CAP2: variants seen among roughly 807,000 people sequenced by gnomAD.
CAP2 encodes the protein cyclase associated actin cytoskeleton regulatory protein 2.
Under a neutral mutation model 57.7 loss-of-function variants are expected in CAP2, and 24 were observed. The ratio of observed to expected loss-of-function variants is 0.42; its 90% CI spans 0.30 to 0.58. The LOEUF is 0.58. Ranked by LOEUF, CAP2 falls within the 20% of genes least tolerant of loss-of-function variation. CAP2 has a pLI of 0.22. For missense variants in CAP2, 501 were observed against 590.3 expected (o/e 0.85, Z 1.57); for synonymous variants, 194 against 207.2 (o/e 0.94, Z 0.55).
At chr6:17,478,587 T>C in intron 4 of CAP2, among the ~76,000 whole-genome samples, 2 of 152,180 alleles carry the variant, frequency 1.3e-5, no homozygotes, top group East Asian at 3.8e-4. Context: ...TGGATCCTTC[T>C]GTTTAGTCTA....
rs536207385 is a variant in CAP2, at chr6:17,543,044, G to GT, written c.1127-11dup. The GT allele has an allele frequency of 2.6e-4, 418 of 1,613,328 alleles. 1 individual carries two copies. The highest frequency in any genetic ancestry group is 3.4e-4 in the Non-Finnish European group (396 of 1,179,378). ...TTTAGTGGAGTTGGTTTTTTGTTGT[G>GT]TTTTTTCTCCCCACAGACAACTGTA... On this transcript the variant is annotated splice_polypyrimidine_tract_variant and intron_variant, in intron 10 of 12. Coordinates refer to ENST00000229922, the MANE Select transcript of CAP2 (RefSeq NM_006366.3).
intron 3 of CAP2, among the ~76,000 whole-genome samples, chr6:17,429,457 A>G (rs929985715): frequency 6.6e-6 from 1 of 152,168 alleles, no homozygotes; most frequent in Non-Finnish European, 1.5e-5. Flanking sequence ...TTAACTTTGC[A>G]TTTTTTAAAA....
intron 1 of CAP2, among the ~76,000 whole-genome samples, chr6:17,419,186 T>C (rs994885468): frequency 4.6e-5 from 7 of 152,216 alleles, no homozygotes; most frequent in African/African-American, 1.7e-4. Flanking sequence ...CATCACTGTG[T>C]TTAAGCTCAA....
chr6:17,529,954 G>A (rs1436618724), intron 7 of CAP2, among the ~76,000 whole-genome samples: 2 of 151,054 alleles, frequency 1.3e-5, no homozygotes, highest in Non-Finnish European at 2.9e-5. Context: ...AGGAGTTCGA[G>A]ACCAGCTTGG....
chr6:17,520,413 C>T (rs999813114), intron 7 of CAP2, among the ~76,000 whole-genome samples: 1 of 152,088 alleles, frequency 6.6e-6, no homozygotes, highest in Non-Finnish European at 1.5e-5. Flanking sequence ...AAGCTGCACC[C>T]AGCCAATGTA....
At chr6:17,455,539 CTT>C (rs1368705499) in intron 3 of CAP2, among the ~76,000 whole-genome samples, 6 of 145,050 alleles carry the variant, frequency 4.1e-5, no homozygotes, top group Non-Finnish European at 6.1e-5. Context: ...CTGCTCTAAA[CTT>C]TTTTTTTTTT....
At chr6:17,430,819 G>C (rs190005007) in intron 3 of CAP2, among the ~76,000 whole-genome samples, 1 of 152,200 alleles carries the variant, frequency 6.6e-6, no homozygotes, top group South Asian at 2.1e-4. Context: ...TTATAGGCGT[G>C]AGCCACTGCA....
At chr6:17,396,932 C>T (rs1454511594) in intron 1 of CAP2, among the ~76,000 whole-genome samples, 2 of 152,154 alleles carry the variant, frequency 1.3e-5, no homozygotes, top group Non-Finnish European at 2.9e-5. Context: ...CTCTCATGTC[C>T]CTCCCAACCC....
At chr6:17,449,418 T>A (rs1002700031) in intron 3 of CAP2, among the ~76,000 whole-genome samples, 2 of 152,228 alleles carry the variant, frequency 1.3e-5, no homozygotes, top group South Asian at 4.2e-4. Context: ...TTATTATTTT[T>A]TTTTTGAGAC....
Position 17,507,207 on chromosome 6 carries a change from G to C in CAP2, c.339G>C (p.Lys113Asn). Residue 113 changes from lysine to asparagine, a missense_variant, in exon 5 of 13, where the codon AAG (lysine) becomes AAC (asparagine). Transcript: ENST00000229922. ...VAALLKPISEKIQEIQTFRER... is the reference protein window; with the variant it reads ...VAALLKPISENIQEIQTFRER... Reference sequence around the variant, plus strand: ...CACTTCTGAAACCCATATCGGAAAAGATTCAGGAAATCCAAACTTTCAGAG... The same window carrying C: ...CACTTCTGAAACCCATATCGGAAAACATTCAGGAAATCCAAACTTTCAGAG... The C allele has an allele frequency of 6.2e-7, 1 of 1,614,218 alleles. No homozygotes were observed. The highest frequency in any genetic ancestry group is 2.2e-5 in the East Asian group (1 of 44,884).
At chr6:17,543,406 A>C (rs1197150717) in intron 11 of CAP2, among the ~76,000 whole-genome samples, 1 of 152,044 alleles carries the variant, frequency 6.6e-6, no homozygotes, top group East Asian at 1.9e-4. Flanking sequence ...TCACGAGGTC[A>C]GGAGATTGAG....
At chr6:17,545,365 A>T (rs2113705104) in intron 11 of CAP2, among the ~76,000 whole-genome samples, 2 of 152,352 alleles carry the variant, frequency 1.3e-5, no homozygotes, top group East Asian at 3.9e-4. Context: ...CATCTGAAAT[A>T]CACAACCAAG....
intron 3 of CAP2, among the ~76,000 whole-genome samples, chr6:17,452,974 C>G (rs1189453402): frequency 6.6e-6 from 1 of 152,188 alleles, no homozygotes; most frequent in African/African-American, 2.4e-5. Flanking sequence ...TATTTTAACT[C>G]ACAGGACTGA....
At chr6:17,457,637 G>C (rs57256754) in intron 3 of CAP2, among the ~76,000 whole-genome samples, 1,979 of 152,296 alleles carry the variant, frequency 0.013, 50 homozygotes, top group African/African-American at 0.045. Flanking sequence ...ATGGAAGGGA[G>C]AGTTGAAGCA....
chr6:17,529,651 A>AAAAAAAAAAAAT (rs10656588), intron 7 of CAP2, among the ~76,000 whole-genome samples: 19 of 134,532 alleles, frequency 1.4e-4, no homozygotes, highest in South Asian at 4.7e-4. Context: ...AAAAAAAAAA[A>AAAAAAAAAAAAT]ATATATATAT....
At chr6:17,404,799 T>C (rs1234875753) in intron 1 of CAP2, among the ~76,000 whole-genome samples, 1 of 151,664 alleles carries the variant, frequency 6.6e-6, no homozygotes, top group African/African-American at 2.4e-5. Flanking sequence ...ATTAAAAGTC[T>C]AAGTACTTAT....
intron 11 of CAP2, among the ~76,000 whole-genome samples, chr6:17,546,858 G>A (rs1763058779): frequency 6.6e-6 from 1 of 152,122 alleles, no homozygotes; most frequent in African/African-American, 2.4e-5. Flanking sequence ...AGGAAATAAA[G>A]GGTATTCAAT....
intron 4 of CAP2, among the ~76,000 whole-genome samples, chr6:17,490,292 C>G (rs1761514045): frequency 6.6e-6 from 1 of 152,214 alleles, no homozygotes; most frequent in African/African-American, 2.4e-5. Flanking sequence ...AAACACTCAT[C>G]TGTATGAGTC....
At chr6:17,523,317 G>A (rs57325591) in intron 7 of CAP2, among the ~76,000 whole-genome samples, 39,117 of 151,918 alleles carry the variant, frequency 0.26, 6,173 homozygotes, top group African/African-American at 0.45. Context: ...TAGGGAAATC[G>A]CAAGGAGGAG....
Sources: allele counts gnomAD v4.1 joint callset (sites outside exome capture counted in the v4.1 genomes callset), GRCh38; gene constraint gnomAD v4.1.1; transcripts MANE v1.5; gene names NCBI Gene and HGNC (gene_info 2026-07-23, HGNC 2026-07-21).